Variants in AGAP1 observed in about 807,000 individuals in gnomAD.
AGAP1 encodes arf-GAP with GTPase, ANK repeat and PH domain-containing protein 1.
Under a neutral mutation model 105.3 loss-of-function variants are expected in AGAP1, and 29 were observed. The ratio of observed to expected loss-of-function variants is 0.28; its 90% CI spans 0.21 to 0.38. The LOEUF (loss-of-function observed/expected upper bound fraction) is 0.38, where lower values mean the gene tolerates loss of function less well. AGAP1 is among the 10% of genes least tolerant of loss of function. The probability of loss-of-function intolerance (pLI) is 1.00; values close to 1 mark genes in which losing one functional copy is unlikely to be tolerated. For missense variants in AGAP1, 998 were observed against 1,165.1 expected (o/e 0.86, Z 2.09); for synonymous variants, 509 against 485.9 (o/e 1.05, Z -0.63).
At chr2:235,706,441 G>A (rs1325529005) in intron 1 of AGAP1, among the ~76,000 whole-genome samples, 1 of 151,860 alleles carries the variant, frequency 6.6e-6, no homozygotes, top group Admixed American at 6.6e-5. Context: ...TGTTAGCCAG[G>A]ATGATCTTGA....
At chr2:235,896,317 T>G (rs1336591122) in intron 10 of AGAP1, among the ~76,000 whole-genome samples, 1 of 152,254 alleles carries the variant, frequency 6.6e-6, no homozygotes, top group Non-Finnish European at 1.5e-5. Context: ...TTCCGTCATA[T>G]GTACACACCA....
At position 235,962,659 on chromosome 2, in the gene AGAP1, C is replaced by T. The variant is rs1316020068; in HGVS notation, c.1484-5803C>T. 6.6e-6 allele frequency among the ~76,000 whole-genome samples: 1 copy of T among 152,016 alleles called. No individual in the cohort carries two copies. Among genetic ancestry groups the T allele is most frequent in the Non-Finnish European group, 1.5e-5 (1 of 67,986 alleles). On this transcript the variant is annotated intron_variant, in intron 12 of 17. Transcript: ENST00000304032. The surrounding 1 kb of genome is among the most constrained non-coding windows in gnomAD (Gnocchi z 5.3). ...TCATGAGGGTGGAGTGGCACAGAGG[C>T]CAGGGTGCTGGAGAGGACACCCAGG...
intron 16 of AGAP1, among the ~76,000 whole-genome samples, chr2:236,103,287 G>A (rs1175077531): frequency 2.6e-5 from 4 of 152,150 alleles, no homozygotes; most frequent in Non-Finnish European, 5.9e-5. Flanking sequence ...GCCAAGCTCT[G>A]CTGTTTCTAA....
Position 235,931,233 on chromosome 2 carries a change from G to A in AGAP1, c.1483+310G>A, listed in dbSNP as rs2052705888. 6.6e-6 allele frequency among the ~76,000 whole-genome samples: 1 copy of A among 152,160 alleles called. No individual in the cohort carries two copies. Among genetic ancestry groups the A allele is most frequent in the Non-Finnish European group, 1.5e-5 (1 of 68,038 alleles). On this transcript the variant is annotated intron_variant, in intron 12 of 17. Transcript: ENST00000304032. This position sits in a 1 kb window ranked among gnomAD's most constrained non-coding sequence, Gnocchi z 5.6. ...TTACCCAGGGTCACGTGACAGAAGT[G>A]GCAGCGCTGAGAAATAAGATCTGAT...
In AGAP1 at chr2:235,739,127, G is replaced by A. The variant is rs908618428; in HGVS notation, c.311-1836G>A. Among the ~76,000 whole-genome samples the A allele has an allele frequency of 1.1e-4, 17 of 152,156 alleles. No individual in the cohort carries two copies. Among genetic ancestry groups the A allele is most frequent in the African/African-American group, 3.4e-4 (14 of 41,440 alleles). ...CAACTTATTACTCCTCGCCTGCTAGGACATCATCCCCTTTGCATCTGGGGA... is the reference window on the plus strand; with the variant it reads ...CAACTTATTACTCCTCGCCTGCTAGAACATCATCCCCTTTGCATCTGGGGA... On this transcript the variant is annotated intron_variant, in intron 3 of 17. Coordinates refer to ENST00000304032, the MANE Select transcript of AGAP1 (RefSeq NM_001037131.3). This position sits in a 1 kb window ranked among gnomAD's most constrained non-coding sequence, Gnocchi z 5.3.
At chr2:236,043,294 G>A (rs563169222) in intron 15 of AGAP1, among the ~76,000 whole-genome samples, 27 of 152,300 alleles carry the variant, frequency 1.8e-4, no homozygotes, top group Non-Finnish European at 2.8e-4. Flanking sequence ...TGAGTAAGGC[G>A]GGTGCAGAGA....
rs563268575 is a variant in AGAP1 at position 236,050,027 on chromosome 2, C to T, written c.2114+746C>T. Reference sequence around the variant, plus strand: ...AGTGGCTTCCAGGGTTGCTCATTTTCACCCACAATAGGAAGTGGGAGGTTG... The same window carrying T: ...AGTGGCTTCCAGGGTTGCTCATTTTTACCCACAATAGGAAGTGGGAGGTTG... On this transcript the variant is annotated intron_variant, in intron 16 of 17. Transcript: ENST00000304032. The surrounding 1 kb of genome is among the most constrained non-coding windows in gnomAD (Gnocchi z 4.0). Among the ~76,000 whole-genome samples, 232 of 152,316 alleles carry T rather than the reference C, an allele frequency of 1.5e-3. 1 individual carries two copies. The highest frequency in any genetic ancestry group is 5.4e-3 in the African/African-American group (226 of 41,566).
chr2:235,586,489 A>C lies in AGAP1; in HGVS notation c.163+91640A>C, dbSNP rs983624028. Among the ~76,000 whole-genome samples the C allele has an allele frequency of 6.6e-6, 1 of 152,228 alleles. No homozygotes were observed. The highest frequency in any genetic ancestry group is 2.4e-5 in the African/African-American group (1 of 41,458). On this transcript the variant is annotated intron_variant, in intron 1 of 17. Transcript: ENST00000304032. The surrounding 1 kb of genome is among the most constrained non-coding windows in gnomAD (Gnocchi z 4.2). ...GTGGTGTGTTGGATTCACAGCAGTCAAGGCTGCCACGAGCAAGTATTTTGA... is the reference window on the plus strand; with the variant it reads ...GTGGTGTGTTGGATTCACAGCAGTCCAGGCTGCCACGAGCAAGTATTTTGA...
intron 1 of AGAP1, among the ~76,000 whole-genome samples, chr2:235,673,580 C>T (rs946216245): frequency 1.3e-5 from 2 of 152,192 alleles, no homozygotes; most frequent in African/African-American, 2.4e-5. Flanking sequence ...AAAATAGCCT[C>T]GTGCCAGTTA....
In AGAP1 at chr2:236,005,143, T is replaced by C. The variant is rs1391541735; in HGVS notation, c.1646-31418T>C. ...ATGTTTTTTGTGTGTGTGTGTGTTT[T>C]GGTTTTTGTTTGTTTGTTTTTGTGA... On this transcript the variant is annotated intron_variant, in intron 13 of 17. Transcript: ENST00000304032. This position sits in a 1 kb window ranked among gnomAD's most constrained non-coding sequence, Gnocchi z 4.1. Among the ~76,000 whole-genome samples, 4 of 151,910 alleles carry C rather than the reference T, an allele frequency of 2.6e-5. No homozygotes were observed. The highest frequency in any genetic ancestry group is 5.9e-5 in the Non-Finnish European group (4 of 67,956).
At chr2:236,013,626 A>G (rs1576059536) in intron 13 of AGAP1, among the ~76,000 whole-genome samples, 1 of 152,098 alleles carries the variant, frequency 6.6e-6, no homozygotes, top group African/African-American at 2.4e-5. Flanking sequence ...CATTAAACAA[A>G]CGGCCACACA....
chr2:235,555,965 C>A lies in AGAP1; in HGVS notation c.163+61116C>A, dbSNP rs1252381501. On this transcript the variant is annotated intron_variant, in intron 1 of 17. Transcript: ENST00000304032. The surrounding 1 kb of genome is among the most constrained non-coding windows in gnomAD (Gnocchi z 5.1). ...ATGAGGCAAAGCAATACTTAGACCT[C>A]AAAAACAAAGCGATGTAGACCTATC... 6.6e-6 allele frequency among the ~76,000 whole-genome samples: 1 copy of A among 152,186 alleles called. No individual in the cohort carries two copies. The highest frequency in any genetic ancestry group is 1.5e-5 in the Non-Finnish European group (1 of 68,038).
chr2:235,627,190 A>AG (rs1946665363), intron 1 of AGAP1, among the ~76,000 whole-genome samples: 1 of 101,940 alleles, frequency 9.8e-6, no homozygotes, highest in Non-Finnish European at 1.9e-5. Context: ...GGCTGTTTTG[A>AG]GGTTTTTTTT....
At chr2:235,636,037 C>A (rs1417718621) in intron 1 of AGAP1, among the ~76,000 whole-genome samples, 1 of 151,788 alleles carries the variant, frequency 6.6e-6, no homozygotes, top group Non-Finnish European at 1.5e-5. Context: ...AGCTTGAACC[C>A]GGAAGGTGGA....
In AGAP1 at chr2:235,973,994, C is replaced by T. The variant is rs59684616; in HGVS notation, c.1645+5371C>T. 8.7e-3 allele frequency among the ~76,000 whole-genome samples: 1,319 copies of T among 152,288 alleles called. 22 individuals carry two copies. The highest frequency in any genetic ancestry group is 0.03 in the African/African-American group (1,235 of 41,562). On this transcript the variant is annotated intron_variant, in intron 13 of 17. Coordinates refer to ENST00000304032, the MANE Select transcript of AGAP1 (RefSeq NM_001037131.3). The surrounding 1 kb of genome is among the most constrained non-coding windows in gnomAD (Gnocchi z 4.7). ...GTACTTTCTGGGCATCTTCATATCTCGGGTCCAGTAGTGAGGTTGTCATTG... is the reference window on the plus strand; with the variant it reads ...GTACTTTCTGGGCATCTTCATATCTTGGGTCCAGTAGTGAGGTTGTCATTG...
chr2:235,942,160 G>T (rs1032182585), intron 12 of AGAP1, among the ~76,000 whole-genome samples: 1 of 152,176 alleles, frequency 6.6e-6, no homozygotes, highest in Admixed American at 6.5e-5. Context: ...GTCAGCCTGG[G>T]TTATCATCTG....
At chr2:235,530,532 T>C (rs1249287000) in intron 1 of AGAP1, among the ~76,000 whole-genome samples, 3 of 152,174 alleles carry the variant, frequency 2.0e-5, no homozygotes, top group Non-Finnish European at 2.9e-5. Flanking sequence ...AGAATTTGTT[T>C]CCTTGCTTTT....
chr2:235,764,048 C>CCGTGCGTGGCTGT (rs1559454496), intron 6 of AGAP1, among the ~76,000 whole-genome samples: 1 of 105,552 alleles, frequency 9.5e-6, no homozygotes, highest in East Asian at 2.8e-4. Context: ...TGCGTGGCTC[C>CCGTGCGTGGCTGT]GGCCCGTGTG....
intron 3 of AGAP1, among the ~76,000 whole-genome samples, chr2:235,731,099 T>C (rs1157663837): frequency 6.6e-6 from 1 of 152,202 alleles, no homozygotes; most frequent in Non-Finnish European, 1.5e-5. Context: ...ATCAAGGCTG[T>C]GTCTGACATG....
Sources: allele counts gnomAD v4.1 joint callset (sites outside exome capture counted in the v4.1 genomes callset), GRCh38; gene constraint gnomAD v4.1.1; non-coding constraint Gnocchi (gnomAD v3.1); transcripts MANE v1.5; gene names NCBI Gene and HGNC (gene_info 2026-07-23, HGNC 2026-07-21).